Variants in HYAL1 observed in about 807,000 individuals in gnomAD.
HYAL1 encodes hyaluronidase-1.
A neutral mutation model predicts 28.8 loss-of-function variants in HYAL1; 21 were observed. That is an observed-to-expected ratio of 0.73 (90% CI 0.52 to 1.05). The LOEUF (loss-of-function observed/expected upper bound fraction) is 1.05, where lower values mean the gene tolerates loss of function less well. HYAL1 is among the 50% of genes least tolerant of loss of function. The pLI is 0.00. For missense variants in HYAL1, 491 were observed against 579.2 expected, an observed-to-expected ratio of 0.85 and a Z score of 1.56; for synonymous variants, 200 against 230.1, an observed-to-expected ratio of 0.87 and a Z score of 1.18.
intron 1 of HYAL1, among the ~76,000 whole-genome samples, chr3:50,311,631 C>A (rs1347827102): frequency 3.7e-5 from 5 of 136,112 alleles, no homozygotes; most frequent in Admixed American, 1.5e-4. Context: ...CTGACCCCCC[C>A]ACCTCCCTCC....
At chr3:50,303,137 T>C (rs1316412180) in intron 1 of HYAL1, 157 bp from the exon 2 acceptor site, 3 of 608,712 alleles carry the variant, frequency 4.9e-6, no homozygotes, top group Non-Finnish European at 8.4e-6. Context: ...GGGAGACGCA[T>C]GGAGGGGAGC....
chr3:50,304,297 ATATAT>A (rs1307679940), upstream of HYAL1, among the ~76,000 whole-genome samples: 55 of 14,762 alleles, frequency 3.7e-3, no homozygotes, highest in South Asian at 8.1e-3. Flanking sequence ...AAAAAAAAAA[ATATAT>A]ATATATATAT....
In HYAL1 at chr3:50,301,015, C is replaced by A. The variant is rs782430354; in HGVS notation, c.963G>T (p.Trp321Cys). The change falls in exon 3 of 4, where the codon TGG (tryptophan) becomes TGT (cysteine). Residue 321 changes from tryptophan (W) to cysteine (C), a missense_variant. Coordinates refer to ENST00000395144, the MANE Select transcript of HYAL1 (RefSeq NM_033159.4). ...TGGTTCTTGTATTTTCCCAGCTCAC[C>A]CAGAGCACCACTCCAGCTGCCCCCT... is the stretch of plus-strand genomic sequence containing the variant. Reference protein sequence around the residue: ...AAQGAAGVVLWVSWENTRTKE... With the variant: ...AAQGAAGVVLCVSWENTRTKE... 14 of 1,607,774 alleles carry A rather than the reference C, an allele frequency of 8.7e-6. No homozygotes were observed. The highest frequency in any genetic ancestry group is 1.2e-5 in the Non-Finnish European group (14 of 1,177,596).
In HYAL1 at chr3:50,302,982, T is replaced by C. The variant is rs1326666534; in HGVS notation, c.-24-2A>G. 2 of 1,534,702 alleles carry C rather than the reference T, an allele frequency of 1.3e-6. No individual in the cohort carries two copies. The highest frequency in any genetic ancestry group is 2.6e-5 in the South Asian group (2 of 78,332). ...GGCACGGGACTGGTCGAGGACAACC[T>C]GGCCAGGGGAGGCAGAGCTGAGAAC... On this transcript the variant is annotated splice_acceptor_variant, in intron 1 of 3. Transcript: ENST00000395144. LOFTEE classifies it low-confidence loss of function (5UTR_SPLICE). The surrounding 1 kb of genome is among the most constrained non-coding windows in gnomAD (Gnocchi z 5.0).
At chr3:50,310,354 C>T (rs1440106956) in intron 1 of HYAL1, among the ~76,000 whole-genome samples, 2 of 144,914 alleles carry the variant, frequency 1.4e-5, no homozygotes, top group African/African-American at 2.6e-5. Context: ...ACCTCCGCCT[C>T]TCAGGTTCAC....
rs1702259894 is a variant in HYAL1, at chr3:50,303,559, G to A, written c.-118C>T. The A allele has an allele frequency of 6.6e-6, 1 of 152,356 alleles. No homozygotes were observed. The highest frequency in any genetic ancestry group is 2.4e-5 in the African/African-American group (1 of 41,468). 9.4% of individuals were successfully genotyped at this position (152,356 alleles called of 1,614,324 possible). A position where few individuals can be genotyped will look rare whatever the true frequency, so the allele number is the denominator to read the frequency against. Reference sequence around the variant, plus strand: ...CAGATTCCACCCCAGCTGCACCAGAGACTCCTGGAGGAAGGAGCCGCTGCT... The same window carrying A: ...CAGATTCCACCCCAGCTGCACCAGAAACTCCTGGAGGAAGGAGCCGCTGCT... On this transcript the variant is annotated 5_prime_UTR_variant, in exon 1 of 4. Transcript: ENST00000395144.
In HYAL1 at chr3:50,310,180, T is replaced by C. The variant is rs183564639; in HGVS notation, c.-309-403A>G. 2.0e-5 allele frequency among the ~76,000 whole-genome samples: 3 copies of C among 151,472 alleles called. No homozygotes were observed. The East Asian group carries it at 5.8e-4, about 29-fold the overall frequency. ...CAGTTTGGAATGAATTTTTCTTGGC[T>C]ACAAGTCTTCAAATTAAGTTTTCAA... On this transcript the variant is annotated intron_variant, in intron 1 of 5. Coordinates refer to the HYAL1 transcript ENST00000320295.
chr3:50,312,376 A>G, exon 1 of HYAL1: 1 of 180,204 alleles, frequency 5.5e-6, no homozygotes, highest in South Asian at 7.9e-5. Context: ...GGCGCTCCCC[A>G]CATCTCAGAC....
In HYAL1 at chr3:50,301,045, C is replaced by T. The variant is rs200373793; in HGVS notation, c.933G>A (p.Ala311=). 15 of 1,612,874 alleles carry T rather than the reference C, an allele frequency of 9.3e-6. No individual in the cohort carries two copies. The highest frequency in any genetic ancestry group is 5.0e-5 in the Admixed American group (3 of 59,890). Residue 311 remains alanine (A), a synonymous_variant, in exon 3 of 4, where the codon GCG becomes GCA. Coordinates refer to ENST00000395144, the MANE Select transcript of HYAL1 (RefSeq NM_033159.4). ...DELEHSLGES[A]AQGAAGVVLW... ...GCACCACTCCAGCTGCCCCCTGGGC[C>T]GCACTCTCCCCCAGGCTGTGCTCCA...
chr3:50,299,983 C>CA lies in HYAL1; in HGVS notation c.*499dup. The CA allele has an allele frequency of 4.5e-6, 1 of 222,588 alleles. No individual in the cohort carries two copies. The highest frequency in any genetic ancestry group is 6.1e-5 in the South Asian group (1 of 16,480). 13.8% of individuals were successfully genotyped at this position (222,588 alleles called of 1,614,324 possible). A position where few individuals can be genotyped will look rare whatever the true frequency, so the allele number is the denominator to read the frequency against. ...GGTTACCACAAACTCAGTAGGAGTGCAAGGGCTGTACCCCCGGAGCTAGAC... is the reference window on the plus strand; with the variant it reads ...GGTTACCACAAACTCAGTAGGAGTGCAAAGGGCTGTACCCCCGGAGCTAGAC... On this transcript the variant is annotated 3_prime_UTR_variant, in exon 4 of 4. Transcript: ENST00000395144.
upstream of HYAL1, among the ~76,000 whole-genome samples, chr3:50,304,296 A>AAAATATATATATAT (rs1553713686): frequency 3.3e-5 from 1 of 30,478 alleles, no homozygotes; most frequent in Non-Finnish European, 6.1e-5. Context: ...AAAAAAAAAA[A>AAAATATATATATAT]ATATATATAT....
intron 1 of HYAL1, among the ~76,000 whole-genome samples, chr3:50,311,818 C>T (rs1395219567): frequency 2.8e-5 from 4 of 141,778 alleles, no homozygotes; most frequent in South Asian, 2.2e-4. Flanking sequence ...CCTCACCTCC[C>T]GGATGGGGCG....
At chr3:50,311,449 C>G (rs1399863829) in intron 1 of HYAL1, among the ~76,000 whole-genome samples, 2 of 131,582 alleles carry the variant, frequency 1.5e-5, no homozygotes, top group African/African-American at 2.9e-5. Context: ...GGGGCTGACC[C>G]CCCCCCACCT....
At chr3:50,308,416 C>G (rs1410668850), upstream of HYAL1, among the ~76,000 whole-genome samples, 1 of 150,722 alleles carries the variant, frequency 6.6e-6, no homozygotes, top group Non-Finnish European at 1.5e-5. Context: ...CGTGAGCCAC[C>G]ATGTCAGGCC....
rs781835664 is a variant in HYAL1, at chr3:50,302,008, A to G, written c.900+49T>C. On this transcript the variant is annotated intron_variant, in intron 2 of 3. Transcript: ENST00000395144. This position sits in a 1 kb window ranked among gnomAD's most constrained non-coding sequence, Gnocchi z 5.0. ...CTAAAGTACCCCAAGGCTGGACCTA[A>G]TATCTGACAAGGCAGGTTGACAAGG... 1 of 1,592,154 alleles carries G rather than the reference A, an allele frequency of 6.3e-7. No individual in the cohort carries two copies. The highest frequency in any genetic ancestry group is 8.6e-7 in the Non-Finnish European group (1 of 1,159,950).
At chr3:50,305,121 C>T (rs151241807), upstream of HYAL1, among the ~76,000 whole-genome samples, 1 of 152,228 alleles carries the variant, frequency 6.6e-6, no homozygotes, top group Admixed American at 6.5e-5. Context: ...GAAAGACTAC[C>T]AGAAACTCAA....
chr3:50,311,856 CA>C (rs1702468843), intron 1 of HYAL1, among the ~76,000 whole-genome samples: 1 of 144,184 alleles, frequency 6.9e-6, no homozygotes, highest in African/African-American at 2.5e-5. Context: ...CTGACCCCCC[CA>C]CCTCCCTCCC....
chr3:50,304,320 T>C (rs1303627286), upstream of HYAL1, among the ~76,000 whole-genome samples: 15 of 80,972 alleles, frequency 1.9e-4, no homozygotes, highest in African/African-American at 7.4e-4. Flanking sequence ...TATATATATA[T>C]ATATATATAT....
At chr3:50,305,191 G>A (rs782147785), upstream of HYAL1, among the ~76,000 whole-genome samples, 10 of 152,106 alleles carry the variant, frequency 6.6e-5, no homozygotes, top group East Asian at 1.9e-4. Flanking sequence ...GTGGGGGGCC[G>A]TGCTTTGAGC....
Sources: gnomAD v4.1 joint callset for allele counts (sites outside exome capture counted in the v4.1 genomes callset) on GRCh38, gnomAD v4.1.1 for gene constraint, Gnocchi (gnomAD v3.1) non-coding constraint, MANE v1.5 for transcripts, NCBI Gene and HGNC (gene_info 2026-07-23, HGNC 2026-07-21) for gene names.